BTC: variants seen among roughly 807,000 people sequenced by gnomAD.
BTC encodes the protein probetacellulin.
Under a neutral mutation model 18.1 loss-of-function variants are expected in BTC, and 13 were observed. The ratio of observed to expected loss-of-function variants is 0.72; its 90% CI spans 0.47 to 1.14. The LOEUF is 1.14. BTC is among the 50% of genes most tolerant of loss of function. The pLI is 0.00. For missense variants in BTC, 247 were observed against 224.2 expected (o/e 1.10, Z -0.65); for synonymous variants, 83 against 79.4 (o/e 1.05, Z -0.24).
At chr4:74,767,901 T>C (rs548040800) in intron 2 of BTC, among the ~76,000 whole-genome samples, 4 of 152,256 alleles carry the variant, frequency 2.6e-5, no homozygotes, top group East Asian at 3.9e-4. Flanking sequence ...TGAAGACTTA[T>C]ATTTAAGACC....
chr4:74,769,438 C>T (rs1385035005), intron 2 of BTC, among the ~76,000 whole-genome samples: 2 of 152,104 alleles, frequency 1.3e-5, no homozygotes, highest in Non-Finnish European at 2.9e-5. Context: ...GTGTCTATGA[C>T]TGCTTTCACA....
chr4:74,763,015 A>C (rs1553957467), intron 2 of BTC, among the ~76,000 whole-genome samples: 1 of 152,172 alleles, frequency 6.6e-6, no homozygotes, highest in Non-Finnish European at 1.5e-5. Context: ...AGAAATAATT[A>C]AGCATTTTTG....
chr4:74,784,838 T>G (rs936615866), intron 1 of BTC, among the ~76,000 whole-genome samples: 1 of 152,120 alleles, frequency 6.6e-6, no homozygotes, highest in East Asian at 1.9e-4. Flanking sequence ...AGTCTTTTGT[T>G]GATTTTTGCA....
At chr4:74,768,143 T>C (rs1367988572) in intron 2 of BTC, among the ~76,000 whole-genome samples, 1 of 152,138 alleles carries the variant, frequency 6.6e-6, no homozygotes, top group East Asian at 1.9e-4. Context: ...CTCAAATCCA[T>C]TTTGATGGGT....
At chr4:74,790,288 TC>T (rs1725586845) in intron 1 of BTC, among the ~76,000 whole-genome samples, 1 of 152,234 alleles carries the variant, frequency 6.6e-6, no homozygotes, top group African/African-American at 2.4e-5. Context: ...TCATGCTTAT[TC>T]TATGTTTGGG....
chr4:74,751,446 G>T (rs1553956191), intron 3 of BTC, among the ~76,000 whole-genome samples: 2 of 152,056 alleles, frequency 1.3e-5, no homozygotes, highest in African/African-American at 4.8e-5. Flanking sequence ...CACATTTGCA[G>T]ATCTGTTCAC....
At chr4:74,762,976 AG>A in intron 2 of BTC, among the ~76,000 whole-genome samples, 1 of 152,294 alleles carries the variant, frequency 6.6e-6, no homozygotes, top group Non-Finnish European at 1.5e-5. Flanking sequence ...GTTTTCTAAT[AG>A]GCTACTAGGA....
At chr4:74,779,048 A>G (rs1286458918) in intron 1 of BTC, among the ~76,000 whole-genome samples, 3 of 152,198 alleles carry the variant, frequency 2.0e-5, no homozygotes, top group Admixed American at 6.6e-5. Context: ...GGAGCAAAGA[A>G]AAAAAGAAGA....
intron 2 of BTC, among the ~76,000 whole-genome samples, chr4:74,764,439 C>T (rs1724844508): frequency 1.3e-5 from 2 of 152,026 alleles, no homozygotes; most frequent in African/African-American, 4.8e-5. Context: ...AGAAAACTGC[C>T]TAAGACAACA....
intron 2 of BTC, among the ~76,000 whole-genome samples, chr4:74,758,034 A>G (rs540800421): frequency 6.6e-6 from 1 of 152,358 alleles, no homozygotes; most frequent in South Asian, 2.1e-4. Context: ...AGTATGAAGA[A>G]TGCTGACCTA....
intron 3 of BTC, among the ~76,000 whole-genome samples, chr4:74,755,635 G>A (rs1553956582): frequency 6.6e-6 from 1 of 152,218 alleles, no homozygotes; most frequent in Non-Finnish European, 1.5e-5. Context: ...CAGCCCAGAA[G>A]TGGAGCTGGA....
intron 2 of BTC, among the ~76,000 whole-genome samples, chr4:74,763,168 T>A (rs1553957496): frequency 2.0e-5 from 3 of 152,126 alleles, no homozygotes; most frequent in African/African-American, 2.4e-5. Context: ...CCCGAAAAAA[T>A]TCTATATCCT....
chr4:74,752,326 G>C (rs1221417553), intron 3 of BTC, among the ~76,000 whole-genome samples: 1 of 151,346 alleles, frequency 6.6e-6, no homozygotes, highest in African/African-American at 2.4e-5. Flanking sequence ...GAAATATCTT[G>C]AGATATCAAA....
At chr4:74,782,976 T>A (rs1725373187) in intron 1 of BTC, among the ~76,000 whole-genome samples, 1 of 152,204 alleles carries the variant, frequency 6.6e-6, no homozygotes, top group Non-Finnish European at 1.5e-5. Flanking sequence ...TTTGCTTAAG[T>A]TCCTTGTAGA....
Position 74,750,561 on chromosome 4 carries a change from A to C in BTC, c.428+12T>G. ...CTCAGATTTACTTAAAATTAAGTTT[A>C]AAAATACTTACTGACAGCATGTGCA... On this transcript the variant is annotated intron_variant, in intron 4 of 5. Coordinates refer to ENST00000395743, the MANE Select transcript of BTC (RefSeq NM_001729.4). 6.3e-7 allele frequency: 1 copy of C among 1,596,492 alleles called. No homozygotes were observed. The highest frequency in any genetic ancestry group is 8.5e-7 in the Non-Finnish European group (1 of 1,174,506).
At chr4:74,772,053 T>C (rs1344476921) in intron 1 of BTC, among the ~76,000 whole-genome samples, 1 of 152,206 alleles carries the variant, frequency 6.6e-6, no homozygotes, top group African/African-American at 2.4e-5. Flanking sequence ...TATAGCGTGA[T>C]CTGTTTGTGG....
chr4:74,791,844 T>C (rs955139909), intron 1 of BTC, among the ~76,000 whole-genome samples: 1 of 152,102 alleles, frequency 6.6e-6, no homozygotes, highest in Non-Finnish European at 1.5e-5. Flanking sequence ...CCTCTTCATT[T>C]TACAAATTAG....
intron 1 of BTC, among the ~76,000 whole-genome samples, chr4:74,788,273 C>T (rs1458083618): frequency 2.0e-5 from 3 of 151,990 alleles, no homozygotes; most frequent in Non-Finnish European, 4.4e-5. Context: ...AGTCTTAGTG[C>T]TACACAAAAA....
At chr4:74,752,395 T>TC (rs1239135605) in intron 3 of BTC, among the ~76,000 whole-genome samples, 1 of 151,302 alleles carries the variant, frequency 6.6e-6, no homozygotes, top group East Asian at 1.9e-4. Flanking sequence ...TTTTTTTTTT[T>TC]TTGAGACGGT....
Sources: allele counts gnomAD v4.1 joint callset (sites outside exome capture counted in the v4.1 genomes callset), GRCh38; gene constraint gnomAD v4.1.1; transcripts MANE v1.5; gene names NCBI Gene and HGNC (gene_info 2026-07-23, HGNC 2026-07-21).